The following HMSD variants were observed in gnomAD, a reference collection of about 807,000 sequenced individuals.
HMSD encodes serpin-like protein HMSD.
Under a neutral mutation model 10.0 loss-of-function variants are expected in HMSD, and 13 were observed. The observed-to-expected ratio is 1.31, with a 90% CI of 0.85 to 2.08. The LOEUF (loss-of-function observed/expected upper bound fraction) is 2.08, where lower values mean the gene tolerates loss of function less well. Among genes scored for constraint, HMSD ranks in the 30% most tolerant of loss-of-function variants. The pLI, the probability that HMSD is intolerant of heterozygous loss-of-function variation, is 0.00. For missense variants in HMSD, 169 were observed against 166.3 expected (o/e 1.02, Z -0.09); for synonymous variants, 51 against 54.2 (o/e 0.94, Z 0.26).
chr18:63,961,390 T>C lies in HMSD; in HGVS notation c.*1035T>C, dbSNP rs2050385955. 6.6e-6 allele frequency: 1 copy of C among 152,232 alleles called. No individual in the cohort carries two copies. Among genetic ancestry groups the C allele is most frequent in the East Asian group, 1.9e-4 (1 of 5,200 alleles). 9.4% of individuals were successfully genotyped at this position (152,232 alleles called of 1,614,324 possible). On this transcript the variant is annotated 3_prime_UTR_variant, in exon 4 of 4. Coordinates refer to ENST00000408945, the MANE Select transcript of HMSD (RefSeq NM_001123366.2). ...GTCTTGTGAAATTTTGTTTGTCATA[T>C]TCTCTTTGAAGAGTTATCATTCACT...
At chr18:63,969,427 A>C (rs1326760412) in intron 3 of HMSD, 1 of 152,256 alleles carries the variant, frequency 6.6e-6, no homozygotes, top group Non-Finnish European at 1.5e-5. Context: ...CAGAGTATGG[A>C]CAGGAGGAAC....
At chr18:63,952,057 C>G (rs973619450) in intron 1 of HMSD, among the ~76,000 whole-genome samples, 17 of 144,906 alleles carry the variant, frequency 1.2e-4, no homozygotes, top group African/African-American at 4.1e-4. Context: ...CCAAACACCG[C>G]ATATTCTCAC....
downstream of HMSD, among the ~76,000 whole-genome samples, chr18:63,964,611 G>A: frequency 6.6e-6 from 1 of 152,144 alleles, no homozygotes; most frequent in Non-Finnish European, 1.5e-5. Flanking sequence ...TTAGAGGCTG[G>A]GAAGTCCAAG....
chr18:63,961,252 T>C lies in HMSD; in HGVS notation c.*897T>C, dbSNP rs373694721. ...GATAATCAAATCATTTCAATATGAA[T>C]TATGAAAATGAATGATAATGGTTTT... On this transcript the variant is annotated 3_prime_UTR_variant, in exon 4 of 4. Coordinates refer to ENST00000408945, the MANE Select transcript of HMSD (RefSeq NM_001123366.2). 11 of 152,068 alleles carry C rather than the reference T, an allele frequency of 7.2e-5. 1 individual carries two copies. Among genetic ancestry groups the C allele is most frequent in the African/African-American group, 2.7e-4 (11 of 41,506 alleles). 9.4% of individuals were successfully genotyped at this position (152,068 alleles called of 1,614,324 possible).
At position 63,952,213 on chromosome 18, in the gene HMSD, G is replaced by A. The variant is rs536670284; in HGVS notation, c.-102-1141G>A. On this transcript the variant is annotated intron_variant, in intron 1 of 3. Transcript: ENST00000408945. ...TAGATGACGAGTTAGTGGGTGCAGTGCACCAGCATGGCACATGTATACATA... is the reference window on the plus strand; with the variant it reads ...TAGATGACGAGTTAGTGGGTGCAGTACACCAGCATGGCACATGTATACATA... 1.7e-4 allele frequency among the ~76,000 whole-genome samples: 26 copies of A among 151,532 alleles called. 1 individual carries two copies. Among genetic ancestry groups the A allele is most frequent in the Admixed American group, 1.6e-3 (24 of 15,252 alleles).
intron 3 of HMSD, among the ~76,000 whole-genome samples, chr18:63,967,578 C>T (rs912677033): frequency 2.6e-5 from 4 of 152,150 alleles, no homozygotes; most frequent in Admixed American, 6.5e-5. Flanking sequence ...GGTGGTAGCT[C>T]AACCTGAGAC....
chr18:63,951,864 G>A (rs2050332145), intron 1 of HMSD, among the ~76,000 whole-genome samples: 1 of 152,062 alleles, frequency 6.6e-6, no homozygotes, highest in Admixed American at 6.5e-5. Flanking sequence ...AATACCAAGA[G>A]AAAGGGTGCA....
chr18:63,950,415 C>CAA (rs562421091), intron 1 of HMSD, among the ~76,000 whole-genome samples: 576 of 38,922 alleles, frequency 0.015, 69 homozygotes, highest in African/African-American at 0.034. Context: ...GACTCTCTCT[C>CAA]AAAAAAAAAA....
intron 3 of HMSD, among the ~76,000 whole-genome samples, chr18:63,958,850 A>G (rs904493503): frequency 6.6e-6 from 1 of 152,092 alleles, no homozygotes; most frequent in African/African-American, 2.4e-5. Context: ...TATGTTTCCC[A>G]TGTAATTTAT....
At chr18:63,951,364 A>G (rs956025234) in intron 1 of HMSD, among the ~76,000 whole-genome samples, 5 of 152,240 alleles carry the variant, frequency 3.3e-5, no homozygotes, top group African/African-American at 1.2e-4. Flanking sequence ...AGGTATAATA[A>G]TAGAAAAAAT....
intron 3 of HMSD, among the ~76,000 whole-genome samples, chr18:63,958,904 G>A (rs186581673): frequency 6.6e-6 from 1 of 152,166 alleles, no homozygotes; most frequent in East Asian, 1.9e-4. Flanking sequence ...CTAAAATGTA[G>A]AGGCAAATAT....
chr18:63,964,283 G>GC (rs2050401595), downstream of HMSD, among the ~76,000 whole-genome samples: 1 of 152,226 alleles, frequency 6.6e-6, no homozygotes, highest in South Asian at 2.1e-4. Context: ...ACTTTGGGAA[G>GC]CCAAGGTGGG....
At chr18:63,959,113 C>T (rs997552559) in intron 3 of HMSD, among the ~76,000 whole-genome samples, 2 of 152,126 alleles carry the variant, frequency 1.3e-5, no homozygotes, top group African/African-American at 4.8e-5. Context: ...TGGGGGACAG[C>T]TTTCTTGTTT....
At chr18:63,964,327 C>T (rs2050401807), downstream of HMSD, among the ~76,000 whole-genome samples, 1 of 152,172 alleles carries the variant, frequency 6.6e-6, no homozygotes, top group Admixed American at 6.5e-5. Flanking sequence ...AGAGACCATC[C>T]TGGCCAACAT....
chr18:63,963,157 T>C (rs2050396866), downstream of HMSD, among the ~76,000 whole-genome samples: 1 of 139,864 alleles, frequency 7.1e-6, no homozygotes, highest in Non-Finnish European at 1.6e-5. Flanking sequence ...CTCTCTCTTC[T>C]TTCTTTCTCT....
chr18:63,963,537 T>C (rs1223499026), downstream of HMSD, among the ~76,000 whole-genome samples: 1 of 152,174 alleles, frequency 6.6e-6, no homozygotes, highest in African/African-American at 2.4e-5. Flanking sequence ...CGGAAGTAGT[T>C]TGCTTTCTCT....
intron 3 of HMSD, chr18:63,968,567 A>C (rs1483059108): frequency 6.6e-6 from 1 of 152,210 alleles, no homozygotes; most frequent in Non-Finnish European, 1.5e-5. Flanking sequence ...CCAGGGGCCA[A>C]ATTATATCCT....
intron 1 of HMSD, among the ~76,000 whole-genome samples, chr18:63,950,420 A>G (rs1053250081): frequency 1.5e-4 from 18 of 119,774 alleles, no homozygotes; most frequent in Middle Eastern, 3.6e-3. Context: ...TCTCTCAAAA[A>G]AAAAAAAAAA....
intron 1 of HMSD, among the ~76,000 whole-genome samples, chr18:63,953,129 A>G (rs1203226317): frequency 6.6e-6 from 1 of 152,206 alleles, no homozygotes; most frequent in East Asian, 1.9e-4. Context: ...TGAAGGCTCA[A>G]TTTCTTTGCT....
Sources: gnomAD v4.1 joint callset for allele counts (sites outside exome capture counted in the v4.1 genomes callset) on GRCh38, gnomAD v4.1.1 for gene constraint, MANE v1.5 for transcripts, NCBI Gene and HGNC (gene_info 2026-07-23, HGNC 2026-07-21) for gene names.